Variants in SRBD1 observed in about 807,000 individuals in gnomAD.
The protein encoded by SRBD1 is S1 RNA binding domain 1.
Under a neutral mutation model 115.3 loss-of-function variants are expected in SRBD1, and 88 were observed. The ratio of observed to expected loss-of-function variants is 0.76; its 90% CI spans 0.64 to 0.91. The LOEUF (loss-of-function observed/expected upper bound fraction) is 0.91. SRBD1 is among the 40% of genes least tolerant of loss of function. SRBD1 has a pLI of 0.00. For missense variants in SRBD1, 1,385 were observed against 1,177.4 expected, an observed-to-expected ratio of 1.18 and a Z score of -2.58; for synonymous variants, 509 against 407.7, an observed-to-expected ratio of 1.25 and a Z score of -2.99.
At chr2:45,433,051 T>C (rs1668387272) in intron 16 of SRBD1, among the ~76,000 whole-genome samples, 1 of 152,218 alleles carries the variant, frequency 6.6e-6, no homozygotes, top group Non-Finnish European at 1.5e-5. Context: ...TTCCCCATAC[T>C]AAACTTGAAG....
chr2:45,393,242 A>C, intron 19 of SRBD1, 113 bp from the exon 20 acceptor site: 2 of 1,089,270 alleles, frequency 1.8e-6, no homozygotes, highest in Non-Finnish European at 2.5e-6. Flanking sequence ...TCAATCAATC[A>C]GTCTTTATTG....
intron 14 of SRBD1, among the ~76,000 whole-genome samples, chr2:45,506,453 A>G (rs1016245169): frequency 2.0e-5 from 3 of 152,184 alleles, no homozygotes; most frequent in Admixed American, 1.3e-4. Flanking sequence ...TAGAACAGGT[A>G]TGATCTTCTA....
At chr2:45,539,738 T>C (rs1177298837) in intron 14 of SRBD1, among the ~76,000 whole-genome samples, 1 of 151,996 alleles carries the variant, frequency 6.6e-6, no homozygotes, top group East Asian at 1.9e-4. Context: ...CAAATGCAAA[T>C]CCTCTTTGAA....
intron 14 of SRBD1, among the ~76,000 whole-genome samples, chr2:45,497,042 G>C (rs532680529): frequency 6.6e-6 from 1 of 152,150 alleles, no homozygotes; most frequent in African/African-American, 2.4e-5. Context: ...TCTTAATCTA[G>C]AGTCAGATCT....
chr2:45,545,281 A>G (rs1572757549), intron 14 of SRBD1, among the ~76,000 whole-genome samples: 1 of 100,764 alleles, frequency 9.9e-6, no homozygotes, highest in East Asian at 2.3e-4. Flanking sequence ...CTCTGTCTCA[A>G]TTAAAAAAAA....
At chr2:45,397,012 T>G (rs927547573) in intron 19 of SRBD1, among the ~76,000 whole-genome samples, 10 of 152,114 alleles carry the variant, frequency 6.6e-5, no homozygotes, top group Non-Finnish European at 1.5e-5. Flanking sequence ...TCTCAACACT[T>G]TCAAGAGACT....
At chr2:45,519,759 C>G (rs1163700485) in intron 14 of SRBD1, among the ~76,000 whole-genome samples, 3 of 152,102 alleles carry the variant, frequency 2.0e-5, no homozygotes, top group African/African-American at 7.2e-5. Flanking sequence ...AATGTGTTGA[C>G]TTTCAGAGAA....
At chr2:45,449,818 TA>T (rs1668938454) in intron 16 of SRBD1, among the ~76,000 whole-genome samples, 1 of 152,194 alleles carries the variant, frequency 6.6e-6, no homozygotes, top group African/African-American at 2.4e-5. Flanking sequence ...TAACACGAAC[TA>T]GAGTCATCTT....
chr2:45,393,544 C>T (rs535370740), intron 19 of SRBD1, among the ~76,000 whole-genome samples: 1 of 152,214 alleles, frequency 6.6e-6, no homozygotes, highest in South Asian at 2.1e-4. Context: ...CCACGCCCAG[C>T]TAATTTTTTG....
intron 14 of SRBD1, among the ~76,000 whole-genome samples, chr2:45,503,781 T>C (rs1280878054): frequency 2.0e-5 from 3 of 152,196 alleles, no homozygotes; most frequent in Non-Finnish European, 2.9e-5. Flanking sequence ...AAATAATGCA[T>C]GGTTTTTCCT....
intron 14 of SRBD1, among the ~76,000 whole-genome samples, chr2:45,503,206 C>A (rs1338900267): frequency 2.4e-5 from 2 of 83,160 alleles, no homozygotes; most frequent in African/African-American, 1.5e-4. Flanking sequence ...TATTAATTAG[C>A]CCTTTCCATG....
chr2:45,533,061 C>T (rs1024742649), intron 14 of SRBD1, among the ~76,000 whole-genome samples: 2 of 151,982 alleles, frequency 1.3e-5, no homozygotes, highest in Non-Finnish European at 2.9e-5. Flanking sequence ...TTTTTTAAAA[C>T]GTGTTGGCCA....
chr2:45,528,054 C>T (rs1671504181), intron 14 of SRBD1, among the ~76,000 whole-genome samples: 1 of 151,734 alleles, frequency 6.6e-6, no homozygotes, highest in Admixed American at 6.6e-5. Flanking sequence ...TTTGTTTTAG[C>T]TTATATATTT....
At chr2:45,433,715 A>C (rs1668406851) in intron 16 of SRBD1, among the ~76,000 whole-genome samples, 1 of 152,238 alleles carries the variant, frequency 6.6e-6, no homozygotes, top group Non-Finnish European at 1.5e-5. Context: ...GTTCAGCACT[A>C]AAGAAATGCT....
chr2:45,408,718 T>C (rs1347123311), intron 19 of SRBD1, among the ~76,000 whole-genome samples: 2 of 152,208 alleles, frequency 1.3e-5, no homozygotes, highest in Non-Finnish European at 2.9e-5. Flanking sequence ...ATTCTACTTC[T>C]AGGAATCCAT....
Position 45,551,148 on chromosome 2 carries a change from T to C in SRBD1, c.1652A>G (p.Lys551Arg). 6.3e-7 allele frequency: 1 copy of C among 1,596,000 alleles called. No individual in the cohort carries two copies. The highest frequency in any genetic ancestry group is 8.5e-7 in the Non-Finnish European group (1 of 1,175,842). Residue 551 changes from lysine (K) to arginine (R), a missense_variant, in exon 12 of 21, where the codon AAA becomes AGA. By Grantham distance (26) the Lys-to-Arg change is conservative (BLOSUM62 2). Transcript: ENST00000263736. ...ACTAGTAGGAGAAATTATAGCTAATTTGCAACCATGTTTATAACCAGGATC... is the reference window on the plus strand; with the variant it reads ...ACTAGTAGGAGAAATTATAGCTAATCTGCAACCATGTTTATAACCAGGATC... ...GVDPGYKHGC[K>R]LAIISPTSQI... is the part of the protein sequence containing the mutation.
chr2:45,415,950 C>G (rs1235749155), intron 18 of SRBD1, among the ~76,000 whole-genome samples: 1 of 151,788 alleles, frequency 6.6e-6, no homozygotes, highest in East Asian at 1.9e-4. Context: ...GAGGTCAGTC[C>G]AAAACCAATT....
chr2:45,606,154 A>ATT (rs941802357), intron 1 of SRBD1, among the ~76,000 whole-genome samples: 1 of 111,924 alleles, frequency 8.9e-6, no homozygotes. Context: ...TTTTTTTCCT[A>ATT]TTCTTTTTTT....
intron 14 of SRBD1, among the ~76,000 whole-genome samples, chr2:45,496,868 A>G (rs1481235227): frequency 2.0e-5 from 3 of 152,168 alleles, no homozygotes; most frequent in Admixed American, 1.3e-4. Context: ...TCTATTCTGG[A>G]GCAGCCTCAA....
Sources: gnomAD v4.1 joint callset for allele counts (sites outside exome capture counted in the v4.1 genomes callset) on GRCh38, gnomAD v4.1.1 for gene constraint, MANE v1.5 for transcripts, NCBI Gene and HGNC (gene_info 2026-07-23, HGNC 2026-07-21) for gene names.